NKAIN2: variants seen among roughly 807,000 people sequenced by gnomAD.
The protein encoded by NKAIN2 is sodium/potassium-transporting ATPase subunit beta-1-interacting protein 2.
NKAIN2 carries 14 observed loss-of-function variants against 32.6 expected under a neutral mutation model. The observed-to-expected ratio is 0.43, with a 90% CI of 0.28 to 0.67. The LOEUF (loss-of-function observed/expected upper bound fraction) is 0.67. NKAIN2 is among the 30% of genes least tolerant of loss of function. NKAIN2 has a pLI of 0.17. For missense variants in NKAIN2, 198 were observed against 258.3 expected (o/e 0.77, Z 1.60); for synonymous variants, 80 against 87.2 (o/e 0.92, Z 0.46).
intron 2 of NKAIN2, 157 bp downstream of exon 2, chr6:124,283,299 A>T: frequency 1.8e-6 from 1 of 554,752 alleles, no homozygotes; most frequent in South Asian, 2.6e-5. Context: ...AGATTCCATC[A>T]ACAGTAATTG....
At chr6:124,032,522 T>A (rs1781449910) in intron 1 of NKAIN2, among the ~76,000 whole-genome samples, 1 of 152,100 alleles carries the variant, frequency 6.6e-6, no homozygotes, top group Non-Finnish European at 1.5e-5. Context: ...TCTATGAACC[T>A]TACAGTTTGT....
At chr6:124,687,569 A>AG (rs371383552) in intron 4 of NKAIN2, among the ~76,000 whole-genome samples, 1 of 606 alleles carries the variant, frequency 1.7e-3, no homozygotes, top group African/African-American at 2.3e-3. Flanking sequence ...CATGGTATAT[A>AG]TAATATATAT....
rs180671857 is a variant in NKAIN2, at chr6:124,098,073, T to C, written c.55-184932T>C. ...AGGAGACCAAGGAGATTCTGGAGCC[T>C]GTTAGGTATGTAAGGCTAGTAAAAG... is the stretch of plus-strand genomic sequence containing the variant. On this transcript the variant is annotated intron_variant, in intron 1 of 6. Transcript: ENST00000368417. 1.9e-3 allele frequency among the ~76,000 whole-genome samples: 287 copies of C among 152,286 alleles called. 2 individuals are homozygous for C. Among genetic ancestry groups the C allele is most frequent in the Non-Finnish European group, 5.6e-4 (38 of 68,014 alleles).
At chr6:124,656,400 TACTA>T (rs1373149407) in intron 3 of NKAIN2, among the ~76,000 whole-genome samples, 1 of 152,136 alleles carries the variant, frequency 6.6e-6, no homozygotes, top group Admixed American at 6.6e-5. Context: ...CTTCGATCTT[TACTA>T]ACTAACCCCA....
chr6:123,850,923 T>C (rs930274777), intron 1 of NKAIN2, among the ~76,000 whole-genome samples: 5 of 152,160 alleles, frequency 3.3e-5, no homozygotes, highest in Non-Finnish European at 5.9e-5. Flanking sequence ...TTAGATTCCA[T>C]ATATAAGTGA....
chr6:124,358,966 G>C (rs562453192), intron 3 of NKAIN2, among the ~76,000 whole-genome samples: 5 of 150,374 alleles, frequency 3.3e-5, no homozygotes, highest in Admixed American at 6.6e-5. Context: ...GTAAGGAAGG[G>C]ATCCAGTTTC....
chr6:124,276,795 C>A (rs1795056933), intron 1 of NKAIN2, among the ~76,000 whole-genome samples: 1 of 152,148 alleles, frequency 6.6e-6, no homozygotes, highest in South Asian at 2.1e-4. Context: ...TTAGAGAAAC[C>A]AACATGGGCA....
At chr6:124,715,733 T>C (rs1331305694) in intron 4 of NKAIN2, among the ~76,000 whole-genome samples, 1 of 152,190 alleles carries the variant, frequency 6.6e-6, no homozygotes, top group Admixed American at 6.5e-5. Flanking sequence ...ACAAAACTGC[T>C]ACCTGATTTC....
intron 1 of NKAIN2, among the ~76,000 whole-genome samples, chr6:123,816,385 T>G (rs943174298): frequency 6.6e-6 from 1 of 152,080 alleles, no homozygotes; most frequent in Non-Finnish European, 1.5e-5. Context: ...CAACACAATG[T>G]GAGAGTGAAG....
intron 4 of NKAIN2, among the ~76,000 whole-genome samples, chr6:124,764,653 G>T (rs951218351): frequency 6.6e-6 from 1 of 152,048 alleles, no homozygotes. Flanking sequence ...CTGTGTTCAG[G>T]CTTTTGCTTT....
At position 124,063,954 on chromosome 6, in the gene NKAIN2, A is replaced by AT. The variant is rs200135178; in HGVS notation, c.55-219037dup. Among the ~76,000 whole-genome samples the AT allele has an allele frequency of 2.2e-3, 325 of 146,304 alleles. 2 individuals are homozygous for AT. The highest frequency in any genetic ancestry group is 0.014 in the East Asian group (71 of 4,998). On this transcript the variant is annotated intron_variant, in intron 1 of 6. Transcript: ENST00000368417. ...ATATTTTATACTTATAAAACATATA[A>AT]TTTTTTTTTTTTTTGAGACGGAGTC...
At chr6:124,388,671 G>T (rs1216985134) in intron 3 of NKAIN2, among the ~76,000 whole-genome samples, 1 of 151,954 alleles carries the variant, frequency 6.6e-6, no homozygotes, top group Non-Finnish European at 1.5e-5. Context: ...AATACTCACG[G>T]TGATTTAATG....
chr6:124,796,457 A>C (rs1481676938), intron 5 of NKAIN2, among the ~76,000 whole-genome samples: 1 of 152,138 alleles, frequency 6.6e-6, no homozygotes, highest in Non-Finnish European at 1.5e-5. Flanking sequence ...ACACACACGC[A>C]CACACACTCC....
At chr6:123,920,581 C>A (rs1410691416) in intron 1 of NKAIN2, among the ~76,000 whole-genome samples, 1 of 151,906 alleles carries the variant, frequency 6.6e-6, no homozygotes, top group East Asian at 1.9e-4. Flanking sequence ...TTCTCAGTTT[C>A]ACCCCAGCCA....
chr6:124,477,405 A>T (rs1360266925), intron 3 of NKAIN2, among the ~76,000 whole-genome samples: 2 of 152,090 alleles, frequency 1.3e-5, no homozygotes, highest in Non-Finnish European at 2.9e-5. Flanking sequence ...CAAGTTGCCA[A>T]TGAGATGACT....
At chr6:124,009,941 A>ATG (rs561145071) in intron 1 of NKAIN2, among the ~76,000 whole-genome samples, 7 of 151,908 alleles carry the variant, frequency 4.6e-5, no homozygotes, top group African/African-American at 9.7e-5. Flanking sequence ...GTATGTATAT[A>ATG]TGTGTGTGTG....
At position 124,347,885 on chromosome 6, in the gene NKAIN2, C is replaced by T. The variant is rs545565794; in HGVS notation, c.193-7382C>T. On this transcript the variant is annotated intron_variant, in intron 2 of 6. Transcript: ENST00000368417. ...TTGTTCCGTTGCTGGTGAGGAACTG[C>T]GTTCCTTTGGAGGAGGAGAGGCGCT... 7.9e-5 allele frequency among the ~76,000 whole-genome samples: 12 copies of T among 152,336 alleles called. No homozygotes were observed. In the South Asian group the frequency reaches 1.2e-3, roughly 16 times the overall value.
intron 1 of NKAIN2, among the ~76,000 whole-genome samples, chr6:123,866,651 C>T (rs1333404295): frequency 2.6e-5 from 4 of 152,040 alleles, no homozygotes; most frequent in Admixed American, 2.0e-4. Flanking sequence ...AGGATGGTCT[C>T]GAACTCCTGA....
chr6:123,984,292 A>AT (rs942431156), intron 1 of NKAIN2, among the ~76,000 whole-genome samples: 3 of 151,914 alleles, frequency 2.0e-5, no homozygotes, highest in Non-Finnish European at 4.4e-5. Flanking sequence ...TTAGTTCCTG[A>AT]TTTTTTTTAT....
Sources: allele counts gnomAD v4.1 joint callset (sites outside exome capture counted in the v4.1 genomes callset), GRCh38; gene constraint gnomAD v4.1.1; transcripts MANE v1.5; gene names NCBI Gene and HGNC (gene_info 2026-07-23, HGNC 2026-07-21).